The following CACNB2 variants were observed in gnomAD, a reference collection of about 807,000 sequenced individuals.
CACNB2 encodes the protein calcium voltage-gated channel auxiliary subunit beta 2, also known as voltage-dependent L-type calcium channel subunit beta-2.
In CACNB2, 42 loss-of-function variants were observed where a neutral mutation model predicts 73.3. The ratio of observed to expected loss-of-function variants is 0.57; its 90% CI spans 0.45 to 0.74. The LOEUF (loss-of-function observed/expected upper bound fraction) is 0.74. CACNB2 is among the 30% of genes least tolerant of loss of function. CACNB2 has a pLI of 0.00. For missense variants in CACNB2, 940 were observed against 853.0 expected, an observed-to-expected ratio of 1.10 and a Z score of -1.27; for synonymous variants, 348 against 310.3, an observed-to-expected ratio of 1.12 and a Z score of -1.28.
intron 3 of CACNB2, among the ~76,000 whole-genome samples, chr10:18,471,489 T>C (rs1385165380): frequency 6.6e-6 from 1 of 152,258 alleles, no homozygotes. Flanking sequence ...AGTATCATTT[T>C]CTGCAAGATA....
At chr10:18,530,134 G>A (rs923609096) in intron 10 of CACNB2, among the ~76,000 whole-genome samples, 11 of 152,138 alleles carry the variant, frequency 7.2e-5, no homozygotes, top group Admixed American at 2.0e-4. Flanking sequence ...GGTCCCTCCT[G>A]TGACACATGG....
chr10:18,440,889 C>A (rs190907107), intron 3 of CACNB2, among the ~76,000 whole-genome samples: 20 of 152,212 alleles, frequency 1.3e-4, no homozygotes, highest in African/African-American at 3.9e-4. Context: ...CATGGGGAAG[C>A]CTTTGGACTA....
At chr10:18,432,475 T>C (rs1016681827) in intron 3 of CACNB2, among the ~76,000 whole-genome samples, 7 of 151,904 alleles carry the variant, frequency 4.6e-5, no homozygotes, top group Admixed American at 1.3e-4. Context: ...TGTGTGTGTG[T>C]GTGTGTCCCT....
intron 3 of CACNB2, among the ~76,000 whole-genome samples, chr10:18,444,550 G>A (rs1181852699): frequency 6.6e-6 from 1 of 152,124 alleles, no homozygotes; most frequent in East Asian, 1.9e-4. Flanking sequence ...TATGGCGGGA[G>A]CAGTGGGGAG....
intron 5 of CACNB2, among the ~76,000 whole-genome samples, chr10:18,505,870 C>T (rs548448173): frequency 2.6e-5 from 4 of 152,302 alleles, no homozygotes; most frequent in Non-Finnish European, 4.4e-5. Flanking sequence ...TCATTCTCCA[C>T]GTGAGTCACG....
chr10:18,358,957 T>C (rs1176637492), intron 2 of CACNB2, among the ~76,000 whole-genome samples: 2 of 152,180 alleles, frequency 1.3e-5, no homozygotes, highest in African/African-American at 4.8e-5. Flanking sequence ...CGTTTTTCTC[T>C]TATGCAATCT....
chr10:18,288,704 C>CACACACACACACACACAG (rs746197406), intron 2 of CACNB2, among the ~76,000 whole-genome samples: 11 of 151,364 alleles, frequency 7.3e-5, no homozygotes, highest in Admixed American at 1.3e-4. Flanking sequence ...CACACACACA[C>CACACACACACACACACAG]AGAGATACCC....
intron 3 of CACNB2, among the ~76,000 whole-genome samples, chr10:18,456,642 CTG>C (rs2047297828): frequency 6.6e-6 from 1 of 152,128 alleles, no homozygotes; most frequent in Non-Finnish European, 1.5e-5. Flanking sequence ...CAGATCCAAA[CTG>C]TATCACTTTC....
chr10:18,154,652 G>C (rs957882254), intron 2 of CACNB2, among the ~76,000 whole-genome samples: 3 of 152,102 alleles, frequency 2.0e-5, no homozygotes, highest in Admixed American at 2.0e-4. Flanking sequence ...ATTTTTAGTA[G>C]AGACAGGGTT....
At chr10:18,315,678 A>G (rs887862408) in intron 2 of CACNB2, among the ~76,000 whole-genome samples, 1 of 151,606 alleles carries the variant, frequency 6.6e-6, no homozygotes, top group Admixed American at 6.6e-5. Flanking sequence ...TGTGTGCTAG[A>G]GTAGGATCCT....
chr10:18,261,068 A>T, intron 2 of CACNB2: 1 of 1,423,044 alleles, frequency 7.0e-7, no homozygotes, highest in Non-Finnish European at 9.2e-7. Flanking sequence ...AAAAAGACAA[A>T]CAGGGGAGAA....
intron 13 of CACNB2, 115 bp downstream of exon 13, chr10:18,538,480 A>G: frequency 3.5e-6 from 3 of 860,316 alleles, no homozygotes; most frequent in African/African-American, 1.7e-5. Context: ...GTTCTAGTAT[A>G]TTAACTCAAA....
At chr10:18,231,766 AG>A (rs1349120002) in intron 2 of CACNB2, among the ~76,000 whole-genome samples, 1 of 152,158 alleles carries the variant, frequency 6.6e-6, no homozygotes, top group East Asian at 1.9e-4. Context: ...TTGCTCCCTG[AG>A]TCTCTCTGAG....
At chr10:18,368,558 A>G (rs1419601988) in intron 2 of CACNB2, among the ~76,000 whole-genome samples, 1 of 152,208 alleles carries the variant, frequency 6.6e-6, no homozygotes, top group Non-Finnish European at 1.5e-5. Context: ...CAAAAAGGAA[A>G]AAAGTATTTT....
At chr10:18,395,936 T>C (rs1356867272) in intron 2 of CACNB2, among the ~76,000 whole-genome samples, 2 of 152,188 alleles carry the variant, frequency 1.3e-5, no homozygotes, top group Non-Finnish European at 2.9e-5. Context: ...TCAGGATCTC[T>C]CATCAGTACA....
chr10:18,449,688 G>T (rs1285783559), intron 3 of CACNB2, among the ~76,000 whole-genome samples: 2 of 152,238 alleles, frequency 1.3e-5, no homozygotes, highest in Non-Finnish European at 2.9e-5. Flanking sequence ...CGGAGTCCGA[G>T]CAGTCTATGG....
At chr10:18,193,888 G>A (rs547004743) in intron 2 of CACNB2, among the ~76,000 whole-genome samples, 3 of 152,188 alleles carry the variant, frequency 2.0e-5, no homozygotes, top group African/African-American at 7.2e-5. Flanking sequence ...CATTCTGCAG[G>A]GGAAGATAGA....
chr10:18,231,325 C>T (rs868195133), intron 2 of CACNB2, among the ~76,000 whole-genome samples: 6 of 152,174 alleles, frequency 3.9e-5, no homozygotes, highest in Admixed American at 2.6e-4. Context: ...TACAGGCAGG[C>T]GCCACCACAC....
At chr10:18,316,888 G>A (rs541466161) in intron 2 of CACNB2, among the ~76,000 whole-genome samples, 4 of 152,282 alleles carry the variant, frequency 2.6e-5, no homozygotes, top group East Asian at 1.9e-4. Context: ...AGCAGACCTT[G>A]CCAACTTACT....
Sources: gnomAD v4.1 joint callset for allele counts (sites outside exome capture counted in the v4.1 genomes callset) on GRCh38, gnomAD v4.1.1 for gene constraint, MANE v1.5 for transcripts, NCBI Gene and HGNC (gene_info 2026-07-23, HGNC 2026-07-21) for gene names.